Variants in HPS5 observed in about 807,000 individuals in gnomAD.
HPS5 encodes the protein BLOC-2 complex member HPS5.
HPS5 carries 83 observed loss-of-function variants against 128.0 expected under a neutral mutation model. The ratio of observed to expected loss-of-function variants is 0.65; its 90% CI spans 0.54 to 0.78. HPS5 has a LOEUF of 0.78. HPS5 is among the 30% of genes least tolerant of loss of function. The probability of loss-of-function intolerance (pLI) is 0.00; values close to 1 mark genes in which losing one functional copy is unlikely to be tolerated. For missense variants in HPS5, 1,281 were observed against 1,326.2 expected (o/e 0.97, Z 0.53); for synonymous variants, 475 against 470.2 (o/e 1.01, Z -0.13).
chr11:18,310,433 T>C (rs1486887779), intron 5 of HPS5, among the ~76,000 whole-genome samples: 1 of 150,428 alleles, frequency 6.6e-6, no homozygotes, highest in Non-Finnish European at 1.5e-5. Context: ...AATAGATATC[T>C]TTTCTTTCTT....
chr11:18,299,968 T>A (rs373418681), intron 9 of HPS5, among the ~76,000 whole-genome samples: 3 of 152,162 alleles, frequency 2.0e-5, no homozygotes, highest in African/African-American at 7.2e-5. Context: ...GACTAGATTC[T>A]GGGAAGGGTA....
chr11:18,283,398 G>A (rs1859284242), intron 21 of HPS5, among the ~76,000 whole-genome samples: 1 of 151,130 alleles, frequency 6.6e-6, no homozygotes, highest in Non-Finnish European at 1.5e-5. Context: ...CCCAGCTCCA[G>A]CATTTACAAT....
At chr11:18,300,416 C>T (rs1051364072) in intron 9 of HPS5, among the ~76,000 whole-genome samples, 16 of 152,122 alleles carry the variant, frequency 1.1e-4, no homozygotes, top group African/African-American at 3.1e-4. Flanking sequence ...CACGGTGGCT[C>T]ACACCTGTAA....
At chr11:18,298,293 A>G (rs1486172745) in intron 10 of HPS5, among the ~76,000 whole-genome samples, 1 of 151,870 alleles carries the variant, frequency 6.6e-6, no homozygotes, top group Non-Finnish European at 1.5e-5. Flanking sequence ...GGAGTTCGAG[A>G]TCAGCCTGGC....
intron 17 of HPS5, 32 bp from the exon 18 acceptor site, chr11:18,287,722 A>G (rs1859915022): frequency 6.2e-7 from 1 of 1,612,180 alleles, no homozygotes; most frequent in Non-Finnish European, 8.5e-7. Context: ...TTTAGTCTCT[A>G]ATTTCAGTGA....
chr11:18,285,142 TAAAAA>T (rs532196282), intron 20 of HPS5, among the ~76,000 whole-genome samples, 199 bp downstream of exon 20: 1 of 126,036 alleles, frequency 7.9e-6, no homozygotes, highest in African/African-American at 2.9e-5. Flanking sequence ...TAAGGCTATT[TAAAAA>T]AAAAAAAAAA....
intron 11 of HPS5, among the ~76,000 whole-genome samples, 163 bp from the exon 12 acceptor site, chr11:18,297,147 G>A (rs1216007020): frequency 6.6e-6 from 1 of 152,178 alleles, no homozygotes; most frequent in African/African-American, 2.4e-5. Flanking sequence ...CCTGGCAGCT[G>A]GGTCACTCCG....
At position 18,305,423 on chromosome 11, in the gene HPS5, T is replaced by C. The variant is rs763510216; in HGVS notation, c.895A>G (p.Ser299Gly). 1 of 1,590,948 alleles carries C rather than the reference T, an allele frequency of 6.3e-7. No homozygotes were observed. Among genetic ancestry groups the C allele is most frequent in the African/African-American group, 1.3e-5 (1 of 74,496 alleles). The change falls in exon 8 of 23, where the codon AGT becomes GGT. Residue 299 changes from serine to glycine, a missense_variant and splice_region_variant. By Grantham distance (56) the Ser-to-Gly change is moderately conservative. Transcript: ENST00000349215. ...GAACTAAGGAAAGTAGAAACTTACC[T>C]AAGATGTAAGAGTTTGGGGAAAGAC... ...SLSFPKLLHL[S>G]EHCVLTWTER...
chr11:18,285,418 A>T lies in HPS5; in HGVS notation c.2879T>A (p.Ile960Asn). The T allele has an allele frequency of 1.2e-6, 2 of 1,613,546 alleles. No homozygotes were observed. The highest frequency in any genetic ancestry group is 1.7e-6 in the Non-Finnish European group (2 of 1,179,560). The change falls in exon 20 of 23, where the codon ATC (isoleucine) becomes AAC (asparagine). Residue 960 changes from isoleucine to asparagine, a missense_variant. By Grantham distance (149) the Ile-to-Asn change is moderately radical (BLOSUM62 -3). Transcript: ENST00000349215. Reference sequence around the variant, plus strand: ...TGCAGGAAGTTTAATTAGATGAAGGATCAGCTGACTGTAACCCCAGGAAAG... The same window carrying T: ...TGCAGGAAGTTTAATTAGATGAAGGTTCAGCTGACTGTAACCCCAGGAAAG... ...HLLSWGYSQL[I>N]LHLIKLPADF...
chr11:18,292,082 C>A (rs1860475790), intron 15 of HPS5, 63 bp from the exon 16 acceptor site: 3 of 1,279,974 alleles, frequency 2.3e-6, no homozygotes, highest in Non-Finnish European at 3.4e-6. Context: ...CAAATTAATT[C>A]ATGCTAATAA....
rs915410177 is a variant in HPS5, at chr11:18,298,694, C to G, written c.1164+98G>C. On this transcript the variant is annotated intron_variant, in intron 10 of 22. Transcript: ENST00000349215. ...TTGCTGTATCTGTAGGTCACACAGA[C>G]AGGGTTAATAAAATCAAGCAACTTT... The G allele has an allele frequency of 1.2e-5, 14 of 1,164,252 alleles. No individual in the cohort carries two copies. In the Admixed American group the frequency reaches 1.7e-4, roughly 14 times the overall value. The allele number at this position is 1,164,252 out of a possible 1,614,324, so 72.1% of individuals were successfully genotyped here.
intron 16 of HPS5, among the ~76,000 whole-genome samples, chr11:18,288,568 G>A (rs978666293): frequency 4.6e-5 from 7 of 152,006 alleles, no homozygotes; most frequent in African/African-American, 1.7e-4. Flanking sequence ...CTGGTGAAAG[G>A]AGTGATGATC....
chr11:18,304,780 A>G (rs1221754032), intron 8 of HPS5, among the ~76,000 whole-genome samples: 8 of 152,236 alleles, frequency 5.3e-5, no homozygotes, highest in Admixed American at 4.6e-4. Context: ...TTGATGAAAT[A>G]GAGTTCAAGA....
chr11:18,288,138 C>A, intron 16 of HPS5, 125 bp from the exon 17 acceptor site: 2 of 963,876 alleles, frequency 2.1e-6, no homozygotes, highest in South Asian at 2.9e-5. Context: ...TGTGCAAGGC[C>A]CAATATTAAG....
chr11:18,311,792 T>TGA, intron 3 of HPS5, 122 bp downstream of exon 3: 1 of 825,286 alleles, frequency 1.2e-6, no homozygotes, highest in Non-Finnish European at 2.1e-6. Context: ...ATTACAGGCG[T>TGA]GAGACACCGC....
At chr11:18,286,469 G>A (rs997421442) in intron 19 of HPS5, 122 bp downstream of exon 19, 88 of 931,898 alleles carry the variant, frequency 9.4e-5, no homozygotes, top group Non-Finnish European at 1.4e-4. Context: ...CTGAGCCTAG[G>A]AGGTCAAGGC....
chr11:18,307,502 C>T (rs1862504997), intron 6 of HPS5, among the ~76,000 whole-genome samples: 1 of 151,734 alleles, frequency 6.6e-6, no homozygotes, highest in Admixed American at 6.6e-5. Context: ...TAATACAGTG[C>T]TAAGGAGCTG....
chr11:18,309,137 C>T (rs1862687779), intron 5 of HPS5, 58 bp from the exon 6 acceptor site: 1 of 1,494,138 alleles, frequency 6.7e-7, no homozygotes, highest in South Asian at 1.1e-5. Flanking sequence ...CACATGCAAT[C>T]TCTTCCTCTT....
At chr11:18,312,155 C>A (rs979032327) in intron 2 of HPS5, 131 bp from the exon 3 acceptor site, 8 of 706,742 alleles carry the variant, frequency 1.1e-5, no homozygotes, top group South Asian at 1.1e-4. Flanking sequence ...CATATGGACA[C>A]AATATGACAC....
Sources: allele counts gnomAD v4.1 joint callset (sites outside exome capture counted in the v4.1 genomes callset), GRCh38; gene constraint gnomAD v4.1.1; transcripts MANE v1.5; gene names NCBI Gene and HGNC (gene_info 2026-07-23, HGNC 2026-07-21).